BNC2: variants seen among roughly 807,000 people sequenced by gnomAD.
BNC2 encodes the protein basonuclin zinc finger protein 2, also known as zinc finger protein basonuclin-2.
Under a neutral mutation model 76.3 loss-of-function variants are expected in BNC2, and 20 were observed. That is an observed-to-expected ratio of 0.26 (90% confidence interval 0.18 to 0.38). The LOEUF (loss-of-function observed/expected upper bound fraction) is 0.38. Among genes scored for constraint, BNC2 ranks in the 10% least tolerant of loss-of-function variants. The pLI, the probability that BNC2 is intolerant of heterozygous loss-of-function variation, is 1.00. For missense variants in BNC2, 1,382 were observed against 1,399.8 expected (o/e 0.99, Z 0.20); for synonymous variants, 582 against 514.8 (o/e 1.13, Z -1.77).
chr9:16,599,907 G>A (rs1403098622), intron 3 of BNC2, among the ~76,000 whole-genome samples: 1 of 152,176 alleles, frequency 6.6e-6, no homozygotes, highest in African/African-American at 2.4e-5. Flanking sequence ...AAGCACCATA[G>A]GACAAGCCAA....
intron 5 of BNC2, among the ~76,000 whole-genome samples, chr9:16,546,142 A>G (rs2132446097): frequency 6.6e-6 from 1 of 152,348 alleles, no homozygotes; most frequent in Middle Eastern, 3.4e-3. Context: ...AACTTTACAC[A>G]TAGATATAAG....
chr9:16,856,815 T>C (rs973299463), intron 1 of BNC2, among the ~76,000 whole-genome samples: 7 of 152,168 alleles, frequency 4.6e-5, no homozygotes, highest in African/African-American at 1.7e-4. Flanking sequence ...TCCAGAAGCC[T>C]ACCTGTTAGC....
chr9:16,637,048 AT>A (rs201933323), intron 3 of BNC2, among the ~76,000 whole-genome samples: 5 of 149,204 alleles, frequency 3.4e-5, no homozygotes, highest in East Asian at 3.9e-4. Flanking sequence ...ACTGCTCTTA[AT>A]TTTTTTTTTC....
chr9:16,624,695 C>T (rs1317418102), intron 3 of BNC2, among the ~76,000 whole-genome samples: 2 of 152,058 alleles, frequency 1.3e-5, no homozygotes, highest in Admixed American at 6.5e-5. Flanking sequence ...GTATTAAAAG[C>T]ATATTGAAAA....
At chr9:16,650,547 A>T (rs546434897) in intron 3 of BNC2, among the ~76,000 whole-genome samples, 167 of 151,632 alleles carry the variant, frequency 1.1e-3, no homozygotes, top group African/African-American at 1.4e-3. Context: ...TTATTTCAAA[A>T]TTTTTTTTTA....
chr9:16,501,038 A>G lies in BNC2; in HGVS notation c.669+51492T>C, dbSNP rs565858793. On this transcript the variant is annotated intron_variant, in intron 5 of 6. Transcript: ENST00000380672. The stretch of plus-strand genomic sequence containing the variant: ...AATCCCAGCTCTGCCACTTATAACT[A>G]TATGATATTGAACAAGTTACCTAAG... Among the ~76,000 whole-genome samples the G allele has an allele frequency of 7.2e-5, 11 of 152,290 alleles. No homozygotes were observed. In the South Asian group the frequency reaches 2.1e-3, roughly 29 times the overall value.
intron 4 of BNC2, among the ~76,000 whole-genome samples, chr9:16,569,313 G>C (rs201306353): frequency 1.3e-5 from 2 of 151,826 alleles, no homozygotes; most frequent in Non-Finnish European, 2.9e-5. Flanking sequence ...CCAAACTGTA[G>C]GGAGGGAAGA....
rs374747829 is a variant in BNC2 at position 16,751,668 on chromosome 9, ATG to A, written c.4-13185_4-13184del. 0.016 allele frequency among the ~76,000 whole-genome samples: 607 copies of A among 38,482 alleles called. 25 individuals are homozygous for A. The East Asian group carries it at 0.22, about 14-fold the overall frequency. The allele number at this position is 38,482 out of a possible 152,430, so 25.2% of individuals were successfully genotyped here. ...TATGTGTGTATATATATATGTATGT[ATG>A]TGTATATATATATGTATGTGTGTAT... On this transcript the variant is annotated intron_variant, in intron 1 of 6. Coordinates refer to ENST00000380672, the MANE Select transcript of BNC2 (RefSeq NM_017637.6).
At chr9:16,610,915 T>A (rs1820528044) in intron 3 of BNC2, among the ~76,000 whole-genome samples, 1 of 152,196 alleles carries the variant, frequency 6.6e-6, no homozygotes, top group Admixed American at 6.5e-5. Context: ...GCCACTGCTG[T>A]CATACTTTTT....
At chr9:16,821,748 A>T (rs1818336553) in intron 1 of BNC2, among the ~76,000 whole-genome samples, 1 of 152,104 alleles carries the variant, frequency 6.6e-6, no homozygotes, top group Non-Finnish European at 1.5e-5. Context: ...CAGGAGTTCA[A>T]GACCAGCTGG....
intron 5 of BNC2, among the ~76,000 whole-genome samples, chr9:16,470,698 G>A (rs200966533): frequency 1.3e-5 from 2 of 152,250 alleles, no homozygotes; most frequent in Non-Finnish European, 2.9e-5. Flanking sequence ...CTTCTACATG[G>A]CGTTCTGTGC....
chr9:16,488,030 C>T (rs191672061), intron 5 of BNC2, among the ~76,000 whole-genome samples: 109 of 150,442 alleles, frequency 7.2e-4, no homozygotes, highest in African/African-American at 2.4e-3. Flanking sequence ...TATTTTTGGC[C>T]GCATCTTTGG....
At chr9:16,458,092 T>C (rs1359119425) in intron 5 of BNC2, among the ~76,000 whole-genome samples, 1 of 152,010 alleles carries the variant, frequency 6.6e-6, no homozygotes, top group African/African-American at 2.4e-5. Flanking sequence ...CGGTGTCCAG[T>C]TAGGTTGAGT....
At chr9:16,491,482 T>G (rs1016119994) in intron 5 of BNC2, among the ~76,000 whole-genome samples, 2 of 152,236 alleles carry the variant, frequency 1.3e-5, no homozygotes, top group Non-Finnish European at 2.9e-5. Flanking sequence ...ATAAAACTCC[T>G]ACAGCACACG....
At chr9:16,731,797 A>G (rs989863417) in intron 2 of BNC2, among the ~76,000 whole-genome samples, 2 of 152,188 alleles carry the variant, frequency 1.3e-5, no homozygotes, top group Non-Finnish European at 1.5e-5. Context: ...GTTTTTGAGT[A>G]ATCTGTAAAA....
chr9:16,740,507 T>C (rs936916827), intron 1 of BNC2, among the ~76,000 whole-genome samples: 3 of 152,204 alleles, frequency 2.0e-5, no homozygotes, highest in Non-Finnish European at 4.4e-5. Context: ...AATGTCTTTG[T>C]AGACTGATAG....
intron 1 of BNC2, among the ~76,000 whole-genome samples, chr9:16,786,115 A>G (rs1413360553): frequency 6.6e-6 from 1 of 152,242 alleles, no homozygotes; most frequent in African/African-American, 2.4e-5. Flanking sequence ...GGAGTGGCTT[A>G]GAATGGCTGA....
At chr9:16,518,582 T>G (rs71476251) in intron 5 of BNC2, among the ~76,000 whole-genome samples, 6,425 of 137,776 alleles carry the variant, frequency 0.047, 287 homozygotes, top group East Asian at 0.24. Context: ...ATATATATTT[T>G]TTGTTGTTGT....
intron 3 of BNC2, among the ~76,000 whole-genome samples, chr9:16,608,206 T>C (rs1250236656): frequency 6.6e-6 from 1 of 152,182 alleles, no homozygotes; most frequent in Non-Finnish European, 1.5e-5. Context: ...TTATTTATTT[T>C]CCCTGAGACC....
Sources: allele counts gnomAD v4.1 joint callset (sites outside exome capture counted in the v4.1 genomes callset), GRCh38; gene constraint gnomAD v4.1.1; transcripts MANE v1.5; gene names NCBI Gene and HGNC (gene_info 2026-07-23, HGNC 2026-07-21).